Variants in CRLF3 observed in about 807,000 individuals in gnomAD.
The protein encoded by CRLF3 is cytokine receptor-like factor 3.
Under a neutral mutation model 55.0 loss-of-function variants are expected in CRLF3, and 33 were observed. The ratio of observed to expected loss-of-function variants is 0.60; its 90% confidence interval spans 0.46 to 0.80. The LOEUF (loss-of-function observed/expected upper bound fraction) is 0.80, where lower values mean the gene tolerates loss of function less well. Ranked by LOEUF, CRLF3 falls within the 30% of genes least tolerant of loss-of-function variation. The probability of loss-of-function intolerance (pLI) is 0.00; values close to 1 mark genes in which losing one functional copy is unlikely to be tolerated. For missense variants in CRLF3, 494 were observed against 538.4 expected, an observed-to-expected ratio of 0.92 and a Z score of 0.82; for synonymous variants, 238 against 196.8, an observed-to-expected ratio of 1.21 and a Z score of -1.75.
intron 6 of CRLF3, among the ~76,000 whole-genome samples, chr17:30,790,076 TTAGACA>T (rs1971755681): frequency 6.6e-6 from 1 of 152,074 alleles, no homozygotes; most frequent in African/African-American, 2.4e-5. Context: ...GTGTCAAAAA[TTAGACA>T]AAACAAACTA....
intron 1 of CRLF3, among the ~76,000 whole-genome samples, chr17:30,815,730 G>C (rs77546107): frequency 0.13 from 18,684 of 148,676 alleles, 1,164 homozygotes; most frequent in South Asian, 0.24. Context: ...TTTTAGTAGA[G>C]ACGGGGTTTC....
intron 1 of CRLF3, among the ~76,000 whole-genome samples, chr17:30,815,336 T>C (rs1021025777): frequency 6.6e-6 from 1 of 151,626 alleles, no homozygotes; most frequent in Non-Finnish European, 1.5e-5. Flanking sequence ...TCCACCCGCC[T>C]TGGCCTCCCA....
rs201173237 is a variant in CRLF3 at position 30,796,250 on chromosome 17, A to G, written c.513T>C (p.Ile171=). The G allele has an allele frequency of 3.7e-6, 6 of 1,614,090 alleles. No homozygotes were observed. The highest frequency in any genetic ancestry group is 5.1e-6 in the Non-Finnish European group (6 of 1,179,980). ...GAGATGCTACTGTTCCATGCTTAAA[A>G]ATGTGGTCTTTCACTATGTTAAGAA... ...DSILNIVKDH[I]FKHGTVASRP... is the part of the protein sequence containing the mutation. The change falls in exon 4 of 8, where the codon ATT becomes ATC. Residue 171 remains isoleucine (I), a synonymous_variant. Transcript: ENST00000324238.
intron 6 of CRLF3, among the ~76,000 whole-genome samples, chr17:30,791,509 T>C (rs114176991): frequency 0.017 from 2,526 of 144,754 alleles, 81 homozygotes; most frequent in African/African-American, 0.061. Flanking sequence ...GTCCAGTCTC[T>C]TGGCCTCTAA....
At chr17:30,815,772 G>A (rs1005907733) in intron 1 of CRLF3, among the ~76,000 whole-genome samples, 1 of 150,542 alleles carries the variant, frequency 6.6e-6, no homozygotes, top group African/African-American at 2.4e-5. Context: ...TCGAACTCCT[G>A]ACCTCAGGTG....
chr17:30,813,885 T>C (rs1346304020), intron 1 of CRLF3, among the ~76,000 whole-genome samples: 1 of 152,014 alleles, frequency 6.6e-6, no homozygotes, highest in Non-Finnish European at 1.5e-5. Context: ...GAAAATTTAG[T>C]TTCTCAAGCT....
At chr17:30,805,002 G>C (rs938553695) in intron 1 of CRLF3, among the ~76,000 whole-genome samples, 1 of 152,088 alleles carries the variant, frequency 6.6e-6, no homozygotes, top group African/African-American at 2.4e-5. Flanking sequence ...GGCCAACGTA[G>C]TGAAACCCTG....
chr17:30,805,702 A>G (rs1246391598), intron 1 of CRLF3, among the ~76,000 whole-genome samples: 2 of 146,554 alleles, frequency 1.4e-5, no homozygotes, highest in African/African-American at 5.1e-5. Flanking sequence ...CAACAGAGTG[A>G]GACTCCGTCT....
chr17:30,786,362 C>T, intron 6 of CRLF3: 1 of 175,124 alleles, frequency 5.7e-6, no homozygotes, highest in Non-Finnish European at 1.2e-5. Flanking sequence ...CTTCAGCGTC[C>T]CAAGTAGCTA....
chr17:30,808,951 A>G (rs1425274523), intron 1 of CRLF3, among the ~76,000 whole-genome samples: 1 of 152,206 alleles, frequency 6.6e-6, no homozygotes, highest in Non-Finnish European at 1.5e-5. Context: ...AGATACCAGA[A>G]TAAGTGAAGA....
At chr17:30,788,369 T>TAA (rs79773550) in intron 6 of CRLF3, among the ~76,000 whole-genome samples, 18 of 148,908 alleles carry the variant, frequency 1.2e-4, no homozygotes, top group Non-Finnish European at 1.6e-4. Context: ...AAGGAAACCT[T>TAA]AAAAAAAATC....
At chr17:30,784,537 A>G in intron 7 of CRLF3, 94 bp from the exon 8 acceptor site, 1 of 1,145,418 alleles carries the variant, frequency 8.7e-7, no homozygotes, top group Non-Finnish European at 1.3e-6. Context: ...CTCATTTCCT[A>G]ATTCAGATTT....
In CRLF3 at chr17:30,792,555, C is replaced by T. The variant is rs982089069; in HGVS notation, c.844G>A (p.Glu282Lys). 1.6e-5 allele frequency: 26 copies of T among 1,601,874 alleles called. No homozygotes were observed. The highest frequency in any genetic ancestry group is 2.1e-5 in the Non-Finnish European group (25 of 1,170,050). The change falls in exon 6 of 8, where the codon GAG becomes AAG. Residue 282 changes from glutamate (E) to lysine (K), a missense_variant. Coordinates refer to ENST00000324238, the MANE Select transcript of CRLF3 (RefSeq NM_015986.4). ...CTTCGACTGCTCAGACTGTACCCCT[C>T]AAAACCAGCTGTCCACTCTTTTTCA... is the stretch of plus-strand genomic sequence containing the variant. Reference protein sequence around the residue: ...LVPHEWTAGFEGYSLSSRRNI... With the variant: ...LVPHEWTAGFKGYSLSSRRNI...
chr17:30,797,049 C>G (rs1971928828), intron 3 of CRLF3, among the ~76,000 whole-genome samples: 1 of 151,984 alleles, frequency 6.6e-6, no homozygotes, highest in African/African-American at 2.4e-5. Flanking sequence ...CAGGTCCATG[C>G]CCGTCTAATT....
chr17:30,792,611 CTT>C (rs756900713), intron 5 of CRLF3, 39 bp from the exon 6 acceptor site: 5 of 1,572,070 alleles, frequency 3.2e-6, no homozygotes, highest in African/African-American at 2.7e-5. Flanking sequence ...GTTAGAATCT[CTT>C]GAGGGATATC....
intron 1 of CRLF3, among the ~76,000 whole-genome samples, chr17:30,815,639 G>A (rs1042907584): frequency 6.7e-6 from 1 of 149,416 alleles, no homozygotes; most frequent in African/African-American, 2.5e-5. Context: ...TAACCCCCAG[G>A]TTCAAGTAAT....
intron 6 of CRLF3, among the ~76,000 whole-genome samples, chr17:30,788,724 C>T (rs1971712961): frequency 6.7e-6 from 1 of 150,114 alleles, no homozygotes; most frequent in Non-Finnish European, 1.5e-5. Flanking sequence ...TCTCCTGCCT[C>T]AGCCTCCTGA....
chr17:30,799,231 C>T (rs548654645), intron 2 of CRLF3, among the ~76,000 whole-genome samples: 1 of 152,300 alleles, frequency 6.6e-6, no homozygotes, highest in African/African-American at 2.4e-5. Flanking sequence ...TGAGATCGTG[C>T]CACTGCACTC....
intron 6 of CRLF3, among the ~76,000 whole-genome samples, chr17:30,792,067 C>T (rs569652515): frequency 5.9e-5 from 9 of 152,172 alleles, no homozygotes; most frequent in Middle Eastern, 3.4e-3. Flanking sequence ...AGGTTGGTCT[C>T]GAACTCCCGA....
Sources: allele counts gnomAD v4.1 joint callset (sites outside exome capture counted in the v4.1 genomes callset), GRCh38; gene constraint gnomAD v4.1.1; transcripts MANE v1.5; gene names NCBI Gene and HGNC (gene_info 2026-07-23, HGNC 2026-07-21).